The following FFAR4 variants were observed in gnomAD, a reference collection of about 807,000 sequenced individuals.
FFAR4 encodes the protein G-protein coupled receptor 120.
A neutral mutation model predicts 27.0 loss-of-function variants in FFAR4; 19 were observed. The ratio of observed to expected loss-of-function variants is 0.70; its 90% confidence interval spans 0.49 to 1.03. The LOEUF is 1.03. Among genes scored for constraint, FFAR4 ranks in the 50% least tolerant of loss-of-function variants. FFAR4 has a pLI of 0.00. For missense variants in FFAR4, 476 were observed against 479.0 expected (o/e 0.99, Z 0.06); for synonymous variants, 254 against 215.6 (o/e 1.18, Z -1.56).
intron 1 of FFAR4, among the ~76,000 whole-genome samples, chr10:93,573,324 C>A (rs955671186): frequency 6.6e-6 from 1 of 152,214 alleles, no homozygotes; most frequent in Non-Finnish European, 1.5e-5. Context: ...GGCAGGCCTG[C>A]CACTTTTGTT....
intron 1 of FFAR4, among the ~76,000 whole-genome samples, chr10:93,572,537 C>G (rs533780823): frequency 2.0e-5 from 3 of 152,198 alleles, no homozygotes; most frequent in African/African-American, 7.2e-5. Context: ...ATGGCCTGGT[C>G]TTGGTAAGGG....
At chr10:93,584,775 C>T (rs1246511180) in intron 2 of FFAR4, among the ~76,000 whole-genome samples, 1 of 151,882 alleles carries the variant, frequency 6.6e-6, no homozygotes, top group African/African-American at 2.4e-5. Context: ...GGCGCAATCT[C>T]GGCTCATTGC....
chr10:93,572,551 G>A (rs111255623), intron 1 of FFAR4, among the ~76,000 whole-genome samples: 50 of 152,264 alleles, frequency 3.3e-4, no homozygotes, highest in African/African-American at 1.2e-3. Flanking sequence ...GTAAGGGTTG[G>A]GGGTAGGCCA....
intron 2 of FFAR4, among the ~76,000 whole-genome samples, chr10:93,585,086 T>C (rs2058219451): frequency 6.6e-6 from 1 of 152,216 alleles, no homozygotes; most frequent in African/African-American, 2.4e-5. Flanking sequence ...TGAATGATGT[T>C]AATTACCTTC....
Position 93,567,111 on chromosome 10 carries a change from G to A in FFAR4, c.391G>A (p.Ala131Thr), listed in dbSNP as rs748348431. ...SGSVTILTLA[A>T]VSLERMVCIV... ...CAGCGTCACCATCCTCACGCTGGCC[G>A]CGGTCAGCCTGGAGCGCATGGTGTG... Residue 131 changes from alanine to threonine, a missense_variant, in exon 1 of 3, where the codon GCG becomes ACG. Ala to Thr is a moderately conservative substitution (Grantham distance 58). Coordinates refer to ENST00000371481, the MANE Select transcript of FFAR4 (RefSeq NM_001195755.2). The A allele has an allele frequency of 3.1e-6, 5 of 1,608,950 alleles. No homozygotes were observed. Among genetic ancestry groups the A allele is most frequent in the Admixed American group, 1.7e-5 (1 of 59,846 alleles).
At chr10:93,581,875 G>A (rs1442985343) in intron 2 of FFAR4, among the ~76,000 whole-genome samples, 1 of 152,174 alleles carries the variant, frequency 6.6e-6, no homozygotes, top group Non-Finnish European at 1.5e-5. Flanking sequence ...CCTCACCGGA[G>A]AAGACACTGG....
chr10:93,578,107 C>T (rs773489486), intron 2 of FFAR4, among the ~76,000 whole-genome samples: 2 of 151,976 alleles, frequency 1.3e-5, no homozygotes, highest in Admixed American at 6.6e-5. Context: ...ACGTAAGGGA[C>T]GAATAAGGGG....
intron 1 of FFAR4, among the ~76,000 whole-genome samples, chr10:93,571,588 A>G (rs1025177462): frequency 6.6e-6 from 1 of 152,088 alleles, no homozygotes; most frequent in African/African-American, 2.4e-5. Context: ...ACCCTACCCT[A>G]ATTTAATACC....
At chr10:93,570,365 A>G (rs1257410388) in intron 1 of FFAR4, among the ~76,000 whole-genome samples, 2 of 149,640 alleles carry the variant, frequency 1.3e-5, no homozygotes, top group Non-Finnish European at 3.0e-5. Flanking sequence ...ACAAAGGGGG[A>G]GTGTAGTCAT....
Position 93,567,229 on chromosome 10 carries a change from C to G in FFAR4, c.509C>G (p.Ala170Gly). Residue 170 changes from alanine (A) to glycine (G), a missense_variant, in exon 1 of 3, where the codon GCT becomes GGT. Physicochemically the swap from Ala to Gly is moderately conservative, Grantham distance 60. Transcript: ENST00000371481. The part of the protein sequence containing the change: ...ALIWGYSAVA[A>G]LPLCVFFRVV... The stretch of plus-strand genomic sequence containing the variant: ...ATCTGGGGCTATTCGGCGGTCGCCG[C>G]TCTGCCTCTCTGCGTCTTCTTCCGA... 6.2e-7 allele frequency: 1 copy of G among 1,601,314 alleles called. No homozygotes were observed. The highest frequency in any genetic ancestry group is 8.5e-7 in the Non-Finnish European group (1 of 1,179,602).
At position 93,566,734 on chromosome 10, in the gene FFAR4, G is replaced by T; in HGVS notation, c.14G>T (p.Cys5Phe). The T allele has an allele frequency of 6.3e-7, 1 of 1,596,344 alleles. No individual in the cohort carries two copies. Residue 5 changes from cysteine (C) to phenylalanine (F), a missense_variant, in exon 1 of 3, where the codon TGC (cysteine) becomes TTC (phenylalanine). Cys to Phe is a radical substitution (Grantham distance 205). Transcript: ENST00000371481. ...CAGGCGCCGGGAATGTCCCCTGAAT[G>T]CGCGCGGGCAGCGGGCGACGCGCCC... is the stretch of plus-strand genomic sequence containing the variant. MSPE[C>F]ARAAGDAPLR... is the part of the protein sequence containing the mutation.
chr10:93,570,338 A>C (rs934158856), intron 1 of FFAR4, among the ~76,000 whole-genome samples: 3 of 151,834 alleles, frequency 2.0e-5, no homozygotes, highest in Admixed American at 1.3e-4. Flanking sequence ...GTTGAAAAGA[A>C]TGAGAGACAG....
intron 2 of FFAR4, among the ~76,000 whole-genome samples, chr10:93,576,805 G>T (rs566275491): frequency 1.3e-5 from 2 of 151,976 alleles, no homozygotes; most frequent in Non-Finnish European, 2.9e-5. Context: ...GGTCTTTTAG[G>T]CTGTGTCCAT....
chr10:93,583,585 G>A (rs990194686), intron 2 of FFAR4, among the ~76,000 whole-genome samples: 1 of 152,156 alleles, frequency 6.6e-6, no homozygotes, highest in Non-Finnish European at 1.5e-5. Flanking sequence ...TGGGCAGAAG[G>A]ATTCCCATGG....
intron 2 of FFAR4, among the ~76,000 whole-genome samples, chr10:93,584,802 G>C (rs2058217967): frequency 6.6e-6 from 1 of 152,066 alleles, no homozygotes; most frequent in Non-Finnish European, 1.5e-5. Flanking sequence ...CACCTCCTGG[G>C]ATCAAGCGAT....
intron 2 of FFAR4, among the ~76,000 whole-genome samples, chr10:93,586,626 C>CAGAT (rs1253821301): frequency 1.3e-5 from 2 of 152,162 alleles, no homozygotes; most frequent in Non-Finnish European, 2.9e-5. Context: ...GCAGATATGG[C>CAGAT]CCGAGCACCA....
chr10:93,585,243 A>G (rs938459396), intron 2 of FFAR4, among the ~76,000 whole-genome samples: 1 of 146,044 alleles, frequency 6.8e-6, no homozygotes, highest in African/African-American at 2.4e-5. Context: ...AGCCCTGCTC[A>G]TTAATACAAA....
In FFAR4 at chr10:93,589,595, C is replaced by G. The variant is rs1157526505; in HGVS notation, c.*1986C>G. ...GGCAACAAAAATGGGGGGGCCTGGG[C>G]AAAGATTAGGGGGGGGGGAGCCAAG... On this transcript the variant is annotated 3_prime_UTR_variant, in exon 3 of 3. Transcript: ENST00000371481. The G allele has an allele frequency of 8.2e-6, 1 of 121,846 alleles. No individual in the cohort carries two copies. Among genetic ancestry groups the G allele is most frequent in the Non-Finnish European group, 1.7e-5 (1 of 59,612 alleles). The allele number at this position is 121,846 out of a possible 1,614,324, so 7.5% of individuals were successfully genotyped here.
At chr10:93,572,457 C>T (rs1433076951) in intron 1 of FFAR4, among the ~76,000 whole-genome samples, 1 of 152,138 alleles carries the variant, frequency 6.6e-6, no homozygotes. Context: ...AAAGACGGTG[C>T]TGGAAGCGTT....
Sources: allele counts gnomAD v4.1 joint callset (sites outside exome capture counted in the v4.1 genomes callset), GRCh38; gene constraint gnomAD v4.1.1; transcripts MANE v1.5; gene names NCBI Gene and HGNC (gene_info 2026-07-23, HGNC 2026-07-21).